Variants in TDP1 observed in about 807,000 individuals in gnomAD.
TDP1 encodes tyrosyl-DNA phosphodiesterase 1.
A neutral mutation model predicts 81.5 loss-of-function variants in TDP1; 64 were observed. That is an observed-to-expected ratio of 0.79 (90% CI 0.64 to 0.97). The LOEUF (loss-of-function observed/expected upper bound fraction) is 0.97. Among genes scored for constraint, TDP1 ranks in the 50% least tolerant of loss-of-function variants. TDP1 has a pLI of 0.00. For missense variants in TDP1, 723 were observed against 743.8 expected, an observed-to-expected ratio of 0.97 and a Z score of 0.33; for synonymous variants, 256 against 264.3, an observed-to-expected ratio of 0.97 and a Z score of 0.30.
intron 2 of TDP1, 78 bp from the exon 3 acceptor site, chr14:89,963,030 G>A (rs1892513356): frequency 6.2e-7 from 1 of 1,607,526 alleles, no homozygotes; most frequent in Non-Finnish European, 8.5e-7. Flanking sequence ...ATCTGACAGG[G>A]AAGTTGAGAG....
At chr14:90,029,236 C>T (rs1348788561) in intron 15 of TDP1, among the ~76,000 whole-genome samples, 2 of 136,768 alleles carry the variant, frequency 1.5e-5, no homozygotes, top group African/African-American at 5.6e-5. Context: ...CTCGCTTTGT[C>T]ACCCAGGCTG....
chr14:90,027,815 T>TC (rs1204503220), intron 15 of TDP1, among the ~76,000 whole-genome samples: 1 of 152,158 alleles, frequency 6.6e-6, no homozygotes, highest in Non-Finnish European at 1.5e-5. Flanking sequence ...TCATGTGAGA[T>TC]CAAGAGTTAT....
intron 14 of TDP1, among the ~76,000 whole-genome samples, chr14:90,002,686 A>G (rs1196281204): frequency 6.7e-6 from 1 of 149,496 alleles, no homozygotes; most frequent in African/African-American, 2.5e-5. Flanking sequence ...CCTGAGCAAC[A>G]TGGTAAAACC....
intron 7 of TDP1, among the ~76,000 whole-genome samples, chr14:89,976,631 G>T (rs752360228): frequency 1.3e-4 from 19 of 149,714 alleles, no homozygotes; most frequent in Non-Finnish European, 2.7e-4. Context: ...CCATCTCCTG[G>T]GTTCAAACGA....
At chr14:90,042,191 AT>A (rs1335149694) in intron 16 of TDP1, among the ~76,000 whole-genome samples, 1 of 152,252 alleles carries the variant, frequency 6.6e-6, no homozygotes, top group East Asian at 1.9e-4. Context: ...GAACAAAAAC[AT>A]TTTATAAATG....
At chr14:90,006,705 T>A (rs1370869707) in intron 14 of TDP1, among the ~76,000 whole-genome samples, 1 of 151,816 alleles carries the variant, frequency 6.6e-6, no homozygotes, top group Non-Finnish European at 1.5e-5. Flanking sequence ...CCTGGCTAAT[T>A]TTTTTGTGTT....
intron 14 of TDP1, among the ~76,000 whole-genome samples, chr14:90,015,276 A>C (rs1444234243): frequency 2.0e-5 from 3 of 152,150 alleles, no homozygotes; most frequent in African/African-American, 7.2e-5. Flanking sequence ...TGTGCCTAAC[A>C]TGCCATTCCT....
intron 10 of TDP1, among the ~76,000 whole-genome samples, chr14:89,987,396 T>TA (rs35444905): frequency 3.9e-5 from 6 of 152,222 alleles, no homozygotes; most frequent in Non-Finnish European, 8.8e-5. Flanking sequence ...AGTGATGGTA[T>TA]AAAAAAAGTT....
At chr14:89,978,948 C>T (rs773540514) in intron 7 of TDP1, among the ~76,000 whole-genome samples, 5 of 150,834 alleles carry the variant, frequency 3.3e-5, no homozygotes, top group Non-Finnish European at 7.4e-5. Context: ...ATTCTCTTGT[C>T]TCTTCTCGTA....
At chr14:89,969,496 G>C (rs546151143) in intron 5 of TDP1, among the ~76,000 whole-genome samples, 1 of 152,112 alleles carries the variant, frequency 6.6e-6, no homozygotes, top group Non-Finnish European at 1.5e-5. Flanking sequence ...AATTAATGAG[G>C]ACTTCAGTTT....
chr14:90,018,520 G>A (rs1336211033), intron 14 of TDP1, among the ~76,000 whole-genome samples: 1 of 152,056 alleles, frequency 6.6e-6, no homozygotes, highest in Non-Finnish European at 1.5e-5. Context: ...GAGTGTGGTG[G>A]TGTAGTTTTT....
chr14:89,970,766 G>A, intron 5 of TDP1: 3 of 949,094 alleles, frequency 3.2e-6, no homozygotes, highest in Non-Finnish European at 2.5e-6. Flanking sequence ...AACATATCGA[G>A]TGATAAGGAA....
At chr14:90,037,316 G>C (rs562122697) in intron 16 of TDP1, among the ~76,000 whole-genome samples, 178 of 152,228 alleles carry the variant, frequency 1.2e-3, no homozygotes, top group African/African-American at 4.2e-3. Context: ...GCTATCTAGA[G>C]AGTAAAGGGT....
intron 14 of TDP1, among the ~76,000 whole-genome samples, chr14:90,006,021 A>G (rs1376129326): frequency 2.6e-5 from 4 of 152,218 alleles, no homozygotes; most frequent in African/African-American, 9.6e-5. Flanking sequence ...AGGCTGGACT[A>G]TGCCATCGGG....
chr14:89,988,468 G>C (rs1895813946), intron 10 of TDP1: 1 of 433,668 alleles, frequency 2.3e-6, no homozygotes, highest in African/African-American at 2.2e-5. Flanking sequence ...CTTCACATTG[G>C]AGATCCCAAG....
At chr14:90,015,833 T>C (rs1372514664) in intron 14 of TDP1, among the ~76,000 whole-genome samples, 1 of 152,118 alleles carries the variant, frequency 6.6e-6, no homozygotes, top group Non-Finnish European at 1.5e-5. Context: ...AACATATGAA[T>C]TCTGGAGGAC....
At chr14:90,042,984 G>A in intron 16 of TDP1, 86 bp from the exon 17 acceptor site, 1 of 1,606,670 alleles carries the variant, frequency 6.2e-7, no homozygotes, top group Non-Finnish European at 8.5e-7. Context: ...AGAGAGTCAA[G>A]CACATAAGTG....
At chr14:90,042,897 G>C in intron 16 of TDP1, 173 bp from the exon 17 acceptor site, 1 of 985,416 alleles carries the variant, frequency 1.0e-6, no homozygotes, top group South Asian at 4.7e-5. Context: ...TGTCCTAATA[G>C]GAGCCTTCGC....
At chr14:89,992,076 T>C in intron 13 of TDP1, 93 bp downstream of exon 13, 1 of 1,001,108 alleles carries the variant, frequency 1.0e-6, no homozygotes, top group Non-Finnish European at 1.6e-6. Context: ...AAAGGAACTT[T>C]ATGTAATATA....
Sources: allele counts gnomAD v4.1 joint callset (sites outside exome capture counted in the v4.1 genomes callset), GRCh38; gene constraint gnomAD v4.1.1; transcripts MANE v1.5; gene names NCBI Gene and HGNC (gene_info 2026-07-23, HGNC 2026-07-21).